The following DOCK1 variants were observed in gnomAD, a reference collection of about 807,000 sequenced individuals.
The protein encoded by DOCK1 is dedicator of cytokinesis protein 1.
DOCK1 carries 138 observed loss-of-function variants against 262.7 expected under a neutral mutation model. The ratio of observed to expected loss-of-function variants is 0.53; its 90% CI spans 0.46 to 0.61. DOCK1 has a LOEUF of 0.61. Among genes scored for constraint, DOCK1 ranks in the 20% least tolerant of loss-of-function variants. DOCK1 has a pLI of 0.00. For synonymous variants in DOCK1, 866 were observed against 867.4 expected (o/e 1.00, Z 0.03); for missense variants, 1,908 against 2,370.7 (o/e 0.80, Z 4.05).
intron 1 of DOCK1, among the ~76,000 whole-genome samples, chr10:126,948,751 A>G (rs1356194592): frequency 6.6e-6 from 1 of 152,132 alleles, no homozygotes; most frequent in East Asian, 1.9e-4. Context: ...CTGGATCCCA[A>G]GCTTCCCCTC....
chr10:126,960,872 GAA>G (rs1216331239), intron 1 of DOCK1, among the ~76,000 whole-genome samples: 2 of 136,300 alleles, frequency 1.5e-5, no homozygotes, highest in Admixed American at 7.4e-5. Flanking sequence ...GAACCCAATA[GAA>G]AAAAAAAAAG....
chr10:127,213,747 C>T (rs950601346), intron 27 of DOCK1, among the ~76,000 whole-genome samples: 3 of 152,292 alleles, frequency 2.0e-5, no homozygotes, highest in East Asian at 3.9e-4. Flanking sequence ...TGGGAAATGA[C>T]GCTCCTTTGG....
At chr10:126,979,934 CCTCA>C (rs2038829972) in intron 3 of DOCK1, among the ~76,000 whole-genome samples, 1 of 152,150 alleles carries the variant, frequency 6.6e-6, no homozygotes, top group Non-Finnish European at 1.5e-5. Context: ...GTGTGTCCAG[CCTCA>C]CTCAGTCATT....
intron 27 of DOCK1, among the ~76,000 whole-genome samples, chr10:127,170,455 A>G (rs1342130346): frequency 6.6e-6 from 1 of 152,220 alleles, no homozygotes; most frequent in East Asian, 1.9e-4. Flanking sequence ...GATATCCTCA[A>G]GTAAAGCTTC....
intron 29 of DOCK1, among the ~76,000 whole-genome samples, chr10:127,310,720 A>G (rs552316890): frequency 4.0e-4 from 61 of 152,328 alleles, no homozygotes; most frequent in African/African-American, 1.3e-3. Flanking sequence ...GGACAGCCCA[A>G]TGATTTAAGA....
chr10:127,403,684 A>G (rs544059529), intron 39 of DOCK1, among the ~76,000 whole-genome samples: 5 of 152,144 alleles, frequency 3.3e-5, no homozygotes, highest in Non-Finnish European at 5.9e-5. Flanking sequence ...GCTTGAACCC[A>G]GGAGGTGGAA....
intron 1 of DOCK1, among the ~76,000 whole-genome samples, chr10:126,963,635 CTTCCCTCCTTCCT>C (rs1307812467): frequency 1.9e-5 from 2 of 102,640 alleles, no homozygotes; most frequent in Admixed American, 1.1e-4. Context: ...CTTCCCTTCC[CTTCCCTCCTTCCT>C]TCCTTCCTTC....
At chr10:126,941,712 G>A (rs1164652093) in intron 1 of DOCK1, among the ~76,000 whole-genome samples, 8 of 152,036 alleles carry the variant, frequency 5.3e-5, no homozygotes, top group East Asian at 3.9e-4. Context: ...CCGAGATCGT[G>A]CCACTGCACT....
At chr10:127,016,733 CCA>C (rs771716580) in intron 12 of DOCK1, among the ~76,000 whole-genome samples, 37 of 57,016 alleles carry the variant, frequency 6.5e-4, no homozygotes, top group South Asian at 3.4e-3. Flanking sequence ...CACACACACA[CCA>C]CACACACACA....
At chr10:127,324,335 A>G (rs2062666281) in intron 29 of DOCK1, among the ~76,000 whole-genome samples, 1 of 152,240 alleles carries the variant, frequency 6.6e-6, no homozygotes, top group African/African-American at 2.4e-5. Context: ...TTAGTCAGGC[A>G]TTCGTTAAAG....
At chr10:127,351,245 C>T (rs150547225) in intron 31 of DOCK1, among the ~76,000 whole-genome samples, 6 of 152,120 alleles carry the variant, frequency 3.9e-5, no homozygotes, top group Admixed American at 1.3e-4. Context: ...TCACTCACAC[C>T]GTGGGTGGGC....
At chr10:127,149,812 T>C (rs146561434) in intron 27 of DOCK1, among the ~76,000 whole-genome samples, 211 of 152,324 alleles carry the variant, frequency 1.4e-3, no homozygotes, top group African/African-American at 4.9e-3. Context: ...TTGAAATTCC[T>C]TTAAGCTACC....
At chr10:126,987,152 C>T (rs777151123) in intron 4 of DOCK1, among the ~76,000 whole-genome samples, 53 of 152,132 alleles carry the variant, frequency 3.5e-4, no homozygotes, top group Non-Finnish European at 7.4e-4. Flanking sequence ...CCACATGGAC[C>T]GGCTGTAATT....
At chr10:127,004,344 C>G (rs2040832386) in intron 10 of DOCK1, among the ~76,000 whole-genome samples, 3 of 152,014 alleles carry the variant, frequency 2.0e-5, no homozygotes, top group Non-Finnish European at 4.4e-5. Context: ...TTCTCTGAGA[C>G]ATTTCATTAT....
Position 126,953,607 on chromosome 10 carries a change from G to T in DOCK1, c.47-17095G>T, listed in dbSNP as rs2036508127. ...TGCTGGTGTTAGTACACTGTCATCA[G>T]TGGAGCTCCCATTTTTCAGCTGAAT... On this transcript the variant is annotated intron_variant, in intron 1 of 51. Transcript: ENST00000623213. Among the ~76,000 whole-genome samples, 3 of 152,150 alleles carry T rather than the reference G, an allele frequency of 2.0e-5. No individual in the cohort carries two copies. In the South Asian group the frequency reaches 6.2e-4, roughly 31 times the overall value.
Position 127,175,829 on chromosome 10 carries a change from C to A in DOCK1, c.2847+48065C>A. ...TTTTACAGGGCTCTGTGCAGTTGAC[C>A]CCCAAAGGCTGGTCCACTGTGTTCA... On this transcript the variant is annotated intron_variant, in intron 27 of 51. Coordinates refer to ENST00000623213, the MANE Select transcript of DOCK1 (RefSeq NM_001290223.2). This position sits in a 1 kb window ranked among gnomAD's most constrained non-coding sequence, Gnocchi z 6.3. 3 of 1,614,100 alleles carry A rather than the reference C, an allele frequency of 1.9e-6. No individual in the cohort carries two copies. Among genetic ancestry groups the A allele is most frequent in the Non-Finnish European group, 2.5e-6 (3 of 1,180,024 alleles).
intron 31 of DOCK1, among the ~76,000 whole-genome samples, chr10:127,352,270 GT>G (rs2063917724): frequency 2.1e-5 from 2 of 94,458 alleles, no homozygotes; most frequent in African/African-American, 1.2e-4. Context: ...TCGGGGAGGG[GT>G]GGGGAGGGGT....
rs1309780193 is a variant in DOCK1 at position 127,437,348 on chromosome 10, A to C, written c.5061-1679A>C. Among the ~76,000 whole-genome samples the C allele has an allele frequency of 6.6e-6, 1 of 152,230 alleles. No homozygotes were observed. Among genetic ancestry groups the C allele is most frequent in the Non-Finnish European group, 1.5e-5 (1 of 68,046 alleles). ...GCTCTGGGTAGTCTGCATCTTCAGCAGATTTAAGCGCAGTTTTGCAAATGA... is the reference window on the plus strand; with the variant it reads ...GCTCTGGGTAGTCTGCATCTTCAGCCGATTTAAGCGCAGTTTTGCAAATGA... On this transcript the variant is annotated intron_variant, in intron 48 of 51. Transcript: ENST00000623213. This position sits in a 1 kb window ranked among gnomAD's most constrained non-coding sequence, Gnocchi z 4.4.
intron 47 of DOCK1, among the ~76,000 whole-genome samples, chr10:127,432,405 T>C (rs947677354): frequency 4.6e-5 from 7 of 150,548 alleles, no homozygotes; most frequent in African/African-American, 1.7e-4. Context: ...GTTGATTGGC[T>C]GAATGAGATG....
Sources: gnomAD v4.1 joint callset for allele counts (sites outside exome capture counted in the v4.1 genomes callset) on GRCh38, gnomAD v4.1.1 for gene constraint, Gnocchi (gnomAD v3.1) non-coding constraint, MANE v1.5 for transcripts, NCBI Gene and HGNC (gene_info 2026-07-23, HGNC 2026-07-21) for gene names.